Variants in KLF12 observed in about 807,000 individuals in gnomAD.
The protein encoded by KLF12 is KLF transcription factor 12, also known as Krueppel-like factor 12.
In KLF12, 9 loss-of-function variants were observed where a neutral mutation model predicts 37.8. The ratio of observed to expected loss-of-function variants is 0.24; its 90% confidence interval spans 0.14 to 0.42. The LOEUF is 0.42. Among genes scored for constraint, KLF12 ranks in the 10% least tolerant of loss-of-function variants. The pLI, the probability that KLF12 is intolerant of heterozygous loss-of-function variation, is 1.00. For synonymous variants in KLF12, 208 were observed against 202.1 expected (o/e 1.03, Z -0.25); for missense variants, 411 against 516.0 (o/e 0.80, Z 1.97).
At chr13:74,119,977 T>C (rs1877528035) in intron 1 of KLF12, among the ~76,000 whole-genome samples, 2 of 149,590 alleles carry the variant, frequency 1.3e-5, no homozygotes, top group African/African-American at 4.9e-5. Context: ...AAACATTACA[T>C]ATAGACAAAA....
chr13:74,040,971 A>G (rs543988630), intron 1 of KLF12, among the ~76,000 whole-genome samples: 1 of 152,198 alleles, frequency 6.6e-6, no homozygotes, highest in African/African-American at 2.4e-5. Context: ...AAACCTCTCA[A>G]ACTGATCCCT....
chr13:74,075,163 G>T (rs1392825684), intron 1 of KLF12, among the ~76,000 whole-genome samples: 1 of 152,152 alleles, frequency 6.6e-6, no homozygotes, highest in African/African-American at 2.4e-5. Context: ...TACAGAGCAG[G>T]AATTTACTAA....
At chr13:74,238,439 A>G in the KLF12 span, among the ~76,000 whole-genome samples, 1 of 138,898 alleles carries the variant, frequency 7.2e-6, no homozygotes, top group African/African-American at 3.3e-5. Flanking sequence ...TGGTATCAGC[A>G]TGATGCTGGC....
intron 5 of KLF12, among the ~76,000 whole-genome samples, chr13:73,806,466 A>G (rs1882634138): frequency 6.6e-6 from 1 of 152,020 alleles, no homozygotes; most frequent in Non-Finnish European, 1.5e-5. Flanking sequence ...CCTGGGCTCA[A>G]TTGATTCTCC....
intron 2 of KLF12, among the ~76,000 whole-genome samples, chr13:73,951,586 G>A (rs1447404168): frequency 6.6e-6 from 1 of 152,154 alleles, no homozygotes; most frequent in Non-Finnish European, 1.5e-5. Context: ...GATATATCAA[G>A]AGACCAAGTA....
At chr13:74,125,886 G>A (rs955775332) in intron 1 of KLF12, among the ~76,000 whole-genome samples, 4 of 152,140 alleles carry the variant, frequency 2.6e-5, no homozygotes, top group South Asian at 2.1e-4. Context: ...GGAATATTAC[G>A]TTTAATGATA....
chr13:74,152,943 T>A, the KLF12 span, among the ~76,000 whole-genome samples: 1 of 150,350 alleles, frequency 6.7e-6, no homozygotes, highest in Non-Finnish European at 1.5e-5. Context: ...AACAGAGGGC[T>A]CTTGAAACCT....
chr13:74,178,855 T>C, the KLF12 span, among the ~76,000 whole-genome samples: 1 of 152,184 alleles, frequency 6.6e-6, no homozygotes, highest in African/African-American at 2.4e-5. Flanking sequence ...AGTAACCCTC[T>C]GGAAATACTG....
intron 6 of KLF12, among the ~76,000 whole-genome samples, chr13:73,725,358 C>T (rs1876583209): frequency 6.6e-6 from 1 of 152,090 alleles, no homozygotes; most frequent in Admixed American, 6.5e-5. Flanking sequence ...CCTTGGCCTC[C>T]CAAAGTGCTG....
intron 3 of KLF12, among the ~76,000 whole-genome samples, chr13:73,886,520 C>A (rs979227632): frequency 2.6e-5 from 4 of 152,024 alleles, no homozygotes; most frequent in Non-Finnish European, 5.9e-5. Context: ...CTAGTGGATG[C>A]TGGGCCTAAT....
At chr13:74,259,809 T>A in the KLF12 span, 1 of 152,180 alleles carries the variant, frequency 6.6e-6, no homozygotes, top group African/African-American at 2.4e-5. Flanking sequence ...TCCTTTTTAA[T>A]GCTCACCACA....
the KLF12 span, among the ~76,000 whole-genome samples, chr13:74,219,654 G>T: frequency 6.0e-3 from 908 of 152,210 alleles, 12 homozygotes; most frequent in African/African-American, 0.021. Flanking sequence ...TTTAATGTGG[G>T]TCTTATTACT....
the KLF12 span, among the ~76,000 whole-genome samples, chr13:74,246,992 A>G: frequency 6.6e-6 from 1 of 152,214 alleles, no homozygotes; most frequent in African/African-American, 2.4e-5. Context: ...TATGATCATA[A>G]TATAGACATC....
chr13:73,883,495 G>T (rs1184087499), intron 3 of KLF12, among the ~76,000 whole-genome samples: 4 of 152,146 alleles, frequency 2.6e-5, no homozygotes, highest in Non-Finnish European at 4.4e-5. Flanking sequence ...TGACAGGGAA[G>T]AACCCCCTAA....
chr13:74,098,934 T>C (rs1202504972), intron 1 of KLF12, among the ~76,000 whole-genome samples: 2 of 152,220 alleles, frequency 1.3e-5, no homozygotes, highest in South Asian at 2.1e-4. Flanking sequence ...TTACATGTCA[T>C]GGGTCTTATT....
chr13:74,022,545 T>G (rs1892867548), intron 1 of KLF12, among the ~76,000 whole-genome samples: 1 of 139,664 alleles, frequency 7.2e-6, no homozygotes, highest in Admixed American at 6.8e-5. Context: ...TCACTGGGTA[T>G]CCCCTCACAT....
intron 1 of KLF12, among the ~76,000 whole-genome samples, chr13:74,021,548 G>C (rs909526797): frequency 3.3e-5 from 5 of 152,114 alleles, no homozygotes; most frequent in Admixed American, 6.5e-5. Context: ...GTTGCATCTG[G>C]CTAGTACAGG....
intron 5 of KLF12, among the ~76,000 whole-genome samples, 161 bp from the exon 6 acceptor site, chr13:73,765,161 G>A (rs911756601): frequency 2.0e-5 from 3 of 152,002 alleles, no homozygotes; most frequent in Admixed American, 2.0e-4. Context: ...AAATTCCTAC[G>A]CCTGCAAATC....
intron 2 of KLF12, among the ~76,000 whole-genome samples, chr13:73,958,153 A>C (rs1407876329): frequency 1.3e-5 from 2 of 152,226 alleles, no homozygotes; most frequent in African/African-American, 4.8e-5. Context: ...TTGAAGACTT[A>C]GTATAAAAAA....
Sources: gnomAD v4.1 joint callset for allele counts (sites outside exome capture counted in the v4.1 genomes callset) on GRCh38, gnomAD v4.1.1 for gene constraint, MANE v1.5 for transcripts, NCBI Gene and HGNC (gene_info 2026-07-23, HGNC 2026-07-21) for gene names.